Variants in SEMA4D observed in about 807,000 individuals in gnomAD.
SEMA4D encodes semaphorin 4D.
A neutral mutation model predicts 74.8 loss-of-function variants in SEMA4D; 22 were observed. The ratio of observed to expected loss-of-function variants is 0.29; its 90% confidence interval spans 0.21 to 0.42. The LOEUF is 0.42. SEMA4D is among the 10% of genes least tolerant of loss of function. The probability of loss-of-function intolerance (pLI) is 1.00; values close to 1 mark genes in which losing one functional copy is unlikely to be tolerated. For missense variants in SEMA4D, 937 were observed against 1,118.4 expected (o/e 0.84, Z 2.31); for synonymous variants, 445 against 463.7 (o/e 0.96, Z 0.52).
At chr9:89,480,420 T>C (rs1824490642) in intron 1 of SEMA4D, among the ~76,000 whole-genome samples, 1 of 152,214 alleles carries the variant, frequency 6.6e-6, no homozygotes, top group African/African-American at 2.4e-5. Context: ...TGCGCTCGCA[T>C]TCCTCAGCCC....
intron 1 of SEMA4D, among the ~76,000 whole-genome samples, chr9:89,461,676 G>A (rs1162797570): frequency 1.4e-5 from 2 of 146,800 alleles, no homozygotes; most frequent in Non-Finnish European, 3.0e-5. Context: ...TGAATCCTAG[G>A]GCCAATGTGT....
rs2136279555 is a variant in SEMA4D at position 89,492,076 on chromosome 9, C to T, written c.-310+5843G>A. 6.6e-6 allele frequency among the ~76,000 whole-genome samples: 1 copy of T among 152,324 alleles called. No homozygotes were observed. The highest frequency in any genetic ancestry group is 2.1e-4 in the South Asian group (1 of 4,830). ...TGCCCATGACCCCCCTCCACTTCCC[C>T]ACTGCCCTTCACGGCAGCAAAATTC... is the stretch of plus-strand genomic sequence containing the variant. On this transcript the variant is annotated intron_variant, in intron 1 of 15. Coordinates refer to ENST00000422704, the MANE Select transcript of SEMA4D (RefSeq NM_001371194.2). This position sits in a 1 kb window ranked among gnomAD's most constrained non-coding sequence, Gnocchi z 4.3.
intron 1 of SEMA4D, chr9:89,472,471 C>CT (rs1860620743): frequency 8.7e-6 from 1 of 114,606 alleles, no homozygotes; most frequent in Non-Finnish European, 1.6e-5. Context: ...CTGAGAAGCA[C>CT]CCCCCTTTTG....
intron 1 of SEMA4D, among the ~76,000 whole-genome samples, chr9:89,481,997 C>G (rs1339344017): frequency 6.6e-6 from 1 of 152,224 alleles, no homozygotes; most frequent in South Asian, 2.1e-4. Flanking sequence ...TGCTTCCTGT[C>G]GATGACCTTC....
intron 16 of SEMA4D, among the ~76,000 whole-genome samples, chr9:89,371,229 GTCT>G (rs1834650619): frequency 7.5e-6 from 1 of 133,186 alleles, no homozygotes; most frequent in Non-Finnish European, 1.6e-5. Context: ...TGTGGTGTGT[GTCT>G]GGGGTAGGGT....
intron 3 of SEMA4D, among the ~76,000 whole-genome samples, chr9:89,404,052 C>G (rs1270106512): frequency 6.6e-6 from 1 of 152,210 alleles, no homozygotes; most frequent in African/African-American, 2.4e-5. Context: ...TTGCTGACAG[C>G]TCTCAGCCAC....
chr9:89,468,681 G>GA (rs1859373791), intron 1 of SEMA4D, among the ~76,000 whole-genome samples: 1 of 152,184 alleles, frequency 6.6e-6, no homozygotes, highest in Admixed American at 6.5e-5. Context: ...GAAAAGTGGT[G>GA]AAAATCTCAT....
chr9:89,482,095 A>G (rs900916942), intron 1 of SEMA4D, among the ~76,000 whole-genome samples: 3 of 152,148 alleles, frequency 2.0e-5, no homozygotes, highest in Non-Finnish European at 4.4e-5. Context: ...TGGGCCATGG[A>G]GCCGACCCAG....
At chr9:89,463,937 C>CAA (rs11394548) in intron 1 of SEMA4D, among the ~76,000 whole-genome samples, 15,621 of 125,312 alleles carry the variant, frequency 0.12, 916 homozygotes, top group Middle Eastern at 0.2. Flanking sequence ...CCGTCTCAGA[C>CAA]AAAAAAAAAA....
rs551050371 is a variant in SEMA4D, at chr9:89,381,460, T to C, written c.1447-114A>G. 3.6e-4 allele frequency: 380 copies of C among 1,052,328 alleles called. 1 individual carries two copies. Among genetic ancestry groups the C allele is most frequent in the Middle Eastern group, 3.2e-4 (1 of 3,150 alleles). 65.2% of individuals were successfully genotyped at this position (1,052,328 alleles called of 1,614,324 possible). ...AGCCAGAGTGTACCTTCAGGGGACA[T>C]TGCAGTAAGGAGGAGAGGTACTCAG... On this transcript the variant is annotated intron_variant, in intron 13 of 15. Transcript: ENST00000422704. This position sits in a 1 kb window ranked among gnomAD's most constrained non-coding sequence, Gnocchi z 4.6.
chr9:89,382,929 G>T (rs549779316), intron 13 of SEMA4D, among the ~76,000 whole-genome samples: 107 of 152,330 alleles, frequency 7.0e-4, no homozygotes, highest in African/African-American at 2.5e-3. Flanking sequence ...GTCCCAAGGG[G>T]ATCCAGACCA....
chr9:89,467,351 C>T (rs1858991450), intron 1 of SEMA4D, among the ~76,000 whole-genome samples: 1 of 152,134 alleles, frequency 6.6e-6, no homozygotes, highest in African/African-American at 2.4e-5. Context: ...AGTTCACAGC[C>T]ATCCGGTTCC....
chr9:89,391,125 T>G, intron 9 of SEMA4D, 139 bp downstream of exon 9: 1 of 819,468 alleles, frequency 1.2e-6, no homozygotes, highest in Non-Finnish European at 1.9e-6. Flanking sequence ...ATAAGATCCA[T>G]TGAGAGCTGC....
In SEMA4D at chr9:89,387,603, G is replaced by T. The variant is rs549309784; in HGVS notation, c.1113C>A (p.Ile371=). ...AGTTGGCGGCCCGTGCCTCGCTGTC[G>T]ATGCACTGCAGGGAGAAAATCCCCG... ...PVPKPRPGAC[I]DSEARAANYT... is the part of the protein sequence containing the mutation. The change falls in exon 12 of 16, where the codon ATC becomes ATA. Residue 371 remains isoleucine, a synonymous_variant. Coordinates refer to ENST00000422704, the MANE Select transcript of SEMA4D (RefSeq NM_001371194.2). The T allele has an allele frequency of 6.8e-6, 11 of 1,613,876 alleles. 1 individual carries two copies. The South Asian group carries it at 1.2e-4, about 18-fold the overall frequency.
At chr9:89,426,414 C>G (rs1211632804) in intron 2 of SEMA4D, among the ~76,000 whole-genome samples, 1 of 152,194 alleles carries the variant, frequency 6.6e-6, no homozygotes, top group Non-Finnish European at 1.5e-5. Flanking sequence ...CAACAGGGAA[C>G]CTAGTCAACA....
intron 2 of SEMA4D, among the ~76,000 whole-genome samples, chr9:89,417,398 G>A (rs544088932): frequency 3.3e-5 from 5 of 152,242 alleles, no homozygotes; most frequent in South Asian, 4.2e-4. Context: ...CTCTCATCAC[G>A]GTCCCATGCA....
chr9:89,403,756 A>C (rs112179823), intron 3 of SEMA4D, among the ~76,000 whole-genome samples: 303 of 152,302 alleles, frequency 2.0e-3, no homozygotes, highest in African/African-American at 7.1e-3. Context: ...TATTACCAAG[A>C]GTCTGCTTTA....
At chr9:89,493,099 T>A (rs1052481575) in intron 1 of SEMA4D, among the ~76,000 whole-genome samples, 1 of 152,144 alleles carries the variant, frequency 6.6e-6, no homozygotes, top group African/African-American at 2.4e-5. Flanking sequence ...AGTGGACAAG[T>A]GCAAGAGTTG....
At chr9:89,431,685 A>G (rs1208821883) in intron 2 of SEMA4D, among the ~76,000 whole-genome samples, 3 of 151,942 alleles carry the variant, frequency 2.0e-5, no homozygotes, top group Admixed American at 2.0e-4. Flanking sequence ...TTTTGTAGAG[A>G]TGGGGTCTTG....
Sources: gnomAD v4.1 joint callset for allele counts (sites outside exome capture counted in the v4.1 genomes callset) on GRCh38, gnomAD v4.1.1 for gene constraint, Gnocchi (gnomAD v3.1) non-coding constraint, MANE v1.5 for transcripts, NCBI Gene and HGNC (gene_info 2026-07-23, HGNC 2026-07-21) for gene names.